HERC1: variants seen among roughly 807,000 people sequenced by gnomAD.
HERC1 encodes the protein probable E3 ubiquitin-protein ligase HERC1.
Under a neutral mutation model 554.3 loss-of-function variants are expected in HERC1, and 160 were observed. The ratio of observed to expected loss-of-function variants is 0.29; its 90% CI spans 0.25 to 0.33. The LOEUF (loss-of-function observed/expected upper bound fraction) is 0.33. HERC1 is among the 10% of genes least tolerant of loss of function. The pLI is 1.00. For missense variants in HERC1, 4,919 were observed against 5,918.5 expected, an observed-to-expected ratio of 0.83 and a Z score of 5.54; for synonymous variants, 2,175 against 2,131.7, an observed-to-expected ratio of 1.02 and a Z score of -0.56.
chr15:63,731,503 G>A (rs944382418), intron 14 of HERC1, among the ~76,000 whole-genome samples: 1 of 151,946 alleles, frequency 6.6e-6, no homozygotes, highest in Non-Finnish European at 1.5e-5. Context: ...AAAATTTTTG[G>A]TCATTAACAA....
intron 46 of HERC1, 60 bp downstream of exon 46, chr15:63,660,913 T>A: frequency 1.0e-6 from 1 of 1,004,248 alleles, no homozygotes; most frequent in South Asian, 1.3e-5. Flanking sequence ...GTAACAGATG[T>A]TAAGCAGAGA....
intron 3 of HERC1, among the ~76,000 whole-genome samples, chr15:63,761,102 G>C (rs1231101458): frequency 6.6e-6 from 1 of 152,114 alleles, no homozygotes; most frequent in Non-Finnish European, 1.5e-5. Flanking sequence ...TGACATTCAA[G>C]AATAAAGAGC....
chr15:63,667,082 A>G (rs1161772517), intron 40 of HERC1, among the ~76,000 whole-genome samples: 1 of 152,236 alleles, frequency 6.6e-6, no homozygotes, highest in African/African-American at 2.4e-5. Context: ...CATATGTTAG[A>G]TAAGCTTCAT....
chr15:63,822,325 C>A (rs1048270641), intron 1 of HERC1, among the ~76,000 whole-genome samples: 2 of 152,188 alleles, frequency 1.3e-5, no homozygotes, highest in African/African-American at 4.8e-5. Flanking sequence ...GTGGCTCACG[C>A]CTGCAATCCC....
chr15:63,698,237 G>A (rs1302952608), intron 26 of HERC1, among the ~76,000 whole-genome samples: 1 of 152,022 alleles, frequency 6.6e-6, no homozygotes, highest in Non-Finnish European at 1.5e-5. Flanking sequence ...CCAACATGGT[G>A]AAACTTTGTC....
chr15:63,672,573 A>G lies in HERC1; in HGVS notation c.7968T>C (p.Thr2656=). The change falls in exon 39 of 78, where the codon ACT becomes ACC. Residue 2656 remains threonine, a synonymous_variant. Coordinates refer to ENST00000443617, the MANE Select transcript of HERC1 (RefSeq NM_003922.4). ...CTGTGTCAGTGACTGGAGTGGTGGC[A>G]GTTGTGGTGTCCTCCAGAGAGCTGC... ...FMSSSLEDTT[T]ATTPVTDTET... is the part of the protein sequence containing the mutation. The G allele has an allele frequency of 6.2e-7, 1 of 1,611,140 alleles. No individual in the cohort carries two copies. Among genetic ancestry groups the G allele is most frequent in the Non-Finnish European group, 8.5e-7 (1 of 1,178,722 alleles).
chr15:63,829,559 G>GTA (rs1316907768), intron 1 of HERC1, among the ~76,000 whole-genome samples: 2,675 of 93,748 alleles, frequency 0.029, 36 homozygotes, highest in Middle Eastern at 0.079. Flanking sequence ...GTGTGTGTGT[G>GTA]TGTATATATA....
chr15:63,663,128 C>T lies in HERC1; in HGVS notation c.8757G>A (p.Gly2919=), dbSNP rs1170906587. Residue 2919 remains glycine, a synonymous_variant, in exon 44 of 78, where the codon GGG becomes GGA. Transcript: ENST00000443617. ...CATCTAAATTAAAGTCATACAACGCCCCTGGGTCTTGCTGCAAAGATATTC... is the reference window on the plus strand; with the variant it reads ...CATCTAAATTAAAGTCATACAACGCTCCTGGGTCTTGCTGCAAAGATATTC... ...REGISLQQDP[G]ALYDFNLDEE... is the part of the protein sequence containing the mutation. The T allele has an allele frequency of 8.1e-6, 13 of 1,613,858 alleles. No individual in the cohort carries two copies. The highest frequency in any genetic ancestry group is 5.3e-5 in the African/African-American group (4 of 74,914).
At position 63,654,226 on chromosome 15, in the gene HERC1, G is replaced by C. The variant is rs760117528; in HGVS notation, c.10183C>G (p.Leu3395Val). 6.2e-7 allele frequency: 1 copy of C among 1,613,800 alleles called. No individual in the cohort carries two copies. The highest frequency in any genetic ancestry group is 8.5e-7 in the Non-Finnish European group (1 of 1,179,682). Residue 3395 changes from leucine (L) to valine (V), a missense_variant, in exon 51 of 78, where the codon CTT (leucine) becomes GTT (valine). Leu to Val is a conservative substitution (Grantham distance 32). Around this residue, in one of 11 missense-constraint regions of HERC1, gnomAD observed 1,963 missense variants for 2,228.6 expected, o/e 0.88. Coordinates refer to ENST00000443617, the MANE Select transcript of HERC1 (RefSeq NM_003922.4). ...QWAAQQLVRT[L>V]AAHDRDNQTT... ...TGGTTGTCACGGTCGTGTGCAGCAA[G>C]AGTGCGCACGAGTTGCTGAGCTGCC...
intron 61 of HERC1, among the ~76,000 whole-genome samples, chr15:63,639,234 A>G (rs1429020109): frequency 6.6e-6 from 1 of 152,202 alleles, no homozygotes; most frequent in Non-Finnish European, 1.5e-5. Flanking sequence ...TCAACAACAA[A>G]CTGCATGTGT....
At chr15:63,618,023 G>C (rs992126340) in intron 74 of HERC1, among the ~76,000 whole-genome samples, 7 of 152,014 alleles carry the variant, frequency 4.6e-5, no homozygotes, top group African/African-American at 1.7e-4. Flanking sequence ...GATCCCATTT[G>C]TCAATTTTGG....
chr15:63,755,200 G>T (rs781573414), intron 6 of HERC1, 29 bp downstream of exon 6: 3 of 1,454,550 alleles, frequency 2.1e-6, no homozygotes, highest in African/African-American at 1.4e-5. Context: ...TTTTCTAGAA[G>T]AATAACTTAC....
intron 13 of HERC1, 99 bp from the exon 14 acceptor site, chr15:63,733,244 G>C (rs928955173): frequency 2.7e-6 from 2 of 727,302 alleles, no homozygotes; most frequent in Non-Finnish European, 4.8e-6. Context: ...CCACTTACTA[G>C]CTTAATAAAT....
At chr15:63,635,816 A>C in intron 65 of HERC1, 145 bp downstream of exon 65, 1 of 869,994 alleles carries the variant, frequency 1.1e-6, no homozygotes, top group Non-Finnish European at 1.8e-6. Flanking sequence ...CTCAAGAATG[A>C]ATCTGAACAT....
chr15:63,653,515 G>A (rs1176903626), intron 51 of HERC1, among the ~76,000 whole-genome samples: 1 of 152,160 alleles, frequency 6.6e-6, no homozygotes, highest in Admixed American at 6.5e-5. Context: ...TTAAAATAGT[G>A]AGGCCAATTT....
chr15:63,686,858 G>C (rs187668393), intron 33 of HERC1, among the ~76,000 whole-genome samples: 3 of 152,334 alleles, frequency 2.0e-5, no homozygotes, highest in Admixed American at 2.0e-4. Context: ...TTCAAAAGGA[G>C]ATGACTTCTA....
intron 26 of HERC1, among the ~76,000 whole-genome samples, chr15:63,698,226 G>A (rs2072534271): frequency 6.6e-6 from 1 of 151,982 alleles, no homozygotes; most frequent in African/African-American, 2.4e-5. Context: ...GACCAGCCTG[G>A]CCAACATGGT....
chr15:63,746,535 C>G (rs1401268022), intron 12 of HERC1, among the ~76,000 whole-genome samples: 1 of 152,142 alleles, frequency 6.6e-6, no homozygotes, highest in Non-Finnish European at 1.5e-5. Flanking sequence ...GGTTACAGTT[C>G]TAGTAGATGA....
At chr15:63,711,183 G>C (rs1047424046) in intron 24 of HERC1, among the ~76,000 whole-genome samples, 1 of 152,104 alleles carries the variant, frequency 6.6e-6, no homozygotes. Flanking sequence ...AAATTAGCCA[G>C]AAATGGTGGC....
Sources: gnomAD v4.1 joint callset for allele counts (sites outside exome capture counted in the v4.1 genomes callset) on GRCh38, gnomAD v4.1.1 for gene constraint, gnomAD v4.1.1 regional missense constraint, MANE v1.5 for transcripts, NCBI Gene and HGNC (gene_info 2026-07-23, HGNC 2026-07-21) for gene names.